Variants in BNC2 observed in about 807,000 individuals in gnomAD.
BNC2 encodes the protein basonuclin zinc finger protein 2.
In BNC2, 20 loss-of-function variants were observed where a neutral mutation model predicts 76.3. The observed-to-expected ratio is 0.26, with a 90% confidence interval of 0.18 to 0.38. The LOEUF (loss-of-function observed/expected upper bound fraction) is 0.38, where lower values mean the gene tolerates loss of function less well. BNC2 is among the 10% of genes least tolerant of loss of function. BNC2 has a pLI of 1.00. For missense variants in BNC2, 1,382 were observed against 1,399.8 expected (o/e 0.99, Z 0.20); for synonymous variants, 582 against 514.8 (o/e 1.13, Z -1.77).
Position 16,596,690 on chromosome 9 carries a change from G to A in BNC2, c.331-13605C>T, listed in dbSNP as rs572663847. Among the ~76,000 whole-genome samples, 71 of 152,178 alleles carry A rather than the reference G, an allele frequency of 4.7e-4. 1 individual carries two copies. The highest frequency in any genetic ancestry group is 1.4e-3 in the African/African-American group (60 of 41,546). ...AGAGTTGATTCCCTGGCTGGCCAAC[G>A]ATTATACAGCCAGCATTTTCAGATA... On this transcript the variant is annotated intron_variant, in intron 3 of 6. Transcript: ENST00000380672.
intron 1 of BNC2, among the ~76,000 whole-genome samples, chr9:16,748,827 A>G (rs1825088255): frequency 8.3e-6 from 1 of 121,078 alleles, no homozygotes; most frequent in South Asian, 3.1e-4. Flanking sequence ...TGGGCAACAG[A>G]GCGAAACCGT....
At chr9:16,757,354 A>T (rs2135345710) in intron 1 of BNC2, among the ~76,000 whole-genome samples, 1 of 152,344 alleles carries the variant, frequency 6.6e-6, no homozygotes. Context: ...TATCTGAAGA[A>T]TCAGAACTCC....
At chr9:16,682,519 T>A (rs1239245377) in intron 3 of BNC2, among the ~76,000 whole-genome samples, 1 of 152,082 alleles carries the variant, frequency 6.6e-6, no homozygotes, top group Non-Finnish European at 1.5e-5. Context: ...TGATCACGGT[T>A]AATTACAATG....
intron 5 of BNC2, among the ~76,000 whole-genome samples, chr9:16,476,646 G>A (rs193064601): frequency 1.3e-3 from 196 of 151,520 alleles, no homozygotes; most frequent in African/African-American, 4.2e-3. Flanking sequence ...CAGGGACCAC[G>A]GGTTTATCTA....
chr9:16,779,997 G>A lies in BNC2; in HGVS notation c.4-41512C>T, dbSNP rs183502887. On this transcript the variant is annotated intron_variant, in intron 1 of 6. Coordinates refer to ENST00000380672, the MANE Select transcript of BNC2 (RefSeq NM_017637.6). The stretch of plus-strand genomic sequence containing the variant: ...CACGCCTGTGATCCCAGCACTTTGG[G>A]AGGCCGAGGCGGGCGGATCACAAGG... Among the ~76,000 whole-genome samples, 909 of 152,226 alleles carry A rather than the reference G, an allele frequency of 6.0e-3. 7 individuals are homozygous for A. The highest frequency in any genetic ancestry group is 0.021 in the African/African-American group (857 of 41,554).
At chr9:16,424,079 G>A (rs187133137) in intron 6 of BNC2, among the ~76,000 whole-genome samples, 123 of 152,154 alleles carry the variant, frequency 8.1e-4, no homozygotes, top group Non-Finnish European at 1.6e-3. Context: ...TCCATCAAAC[G>A]TAGTCAAGTA....
intron 1 of BNC2, among the ~76,000 whole-genome samples, chr9:16,762,055 G>T (rs1333885546): frequency 1.3e-5 from 2 of 152,162 alleles, no homozygotes; most frequent in Admixed American, 1.3e-4. Flanking sequence ...AGAATGTTAA[G>T]ATAAAGGACA....
At position 16,461,307 on chromosome 9, in the gene BNC2, C is replaced by T. The variant is rs74710790; in HGVS notation, c.670-23783G>A. Among the ~76,000 whole-genome samples the T allele has an allele frequency of 4.7e-3, 717 of 152,182 alleles. 2 individuals carry two copies. Among genetic ancestry groups the T allele is most frequent in the Middle Eastern group, 0.02 (6 of 294 alleles). On this transcript the variant is annotated intron_variant, in intron 5 of 6. Transcript: ENST00000380672. The stretch of plus-strand genomic sequence containing the variant: ...AATGTGCACGTGTGGAGAAACCAGG[C>T]GCTTCCATGTTTTTAATTAAAGTAT...
chr9:16,804,919 G>C (rs562253693), intron 1 of BNC2, among the ~76,000 whole-genome samples: 41 of 152,062 alleles, frequency 2.7e-4, no homozygotes, highest in African/African-American at 9.2e-4. Flanking sequence ...AAAATTAGCC[G>C]GGTGTGGTGG....
chr9:16,429,962 C>T, intron 6 of BNC2: 2 of 516,126 alleles, frequency 3.9e-6, no homozygotes, highest in Non-Finnish European at 7.7e-6. Context: ...CCCCATGATA[C>T]AAGGAGACCG....
intron 1 of BNC2, among the ~76,000 whole-genome samples, chr9:16,857,986 G>A (rs927319037): frequency 2.6e-5 from 4 of 152,142 alleles, no homozygotes; most frequent in Admixed American, 6.5e-5. Flanking sequence ...AATTTGCCAG[G>A]TAAACTGTAA....
intron 3 of BNC2, among the ~76,000 whole-genome samples, chr9:16,685,224 G>A (rs1822940317): frequency 6.6e-6 from 1 of 152,184 alleles, no homozygotes; most frequent in African/African-American, 2.4e-5. Flanking sequence ...TCTTACAGAT[G>A]AGAAAACTAA....
intron 1 of BNC2, among the ~76,000 whole-genome samples, chr9:16,847,117 T>C (rs1391234797): frequency 6.6e-6 from 1 of 152,136 alleles, no homozygotes; most frequent in Non-Finnish European, 1.5e-5. Context: ...AATGTGAAGA[T>C]GTATGCTGCG....
rs780151493 is a variant in BNC2, at chr9:16,560,770, G to C, written c.434-8005C>G. Among the ~76,000 whole-genome samples, 9 of 152,174 alleles carry C rather than the reference G, an allele frequency of 5.9e-5. 1 individual carries two copies. In the East Asian group the frequency reaches 1.7e-3, roughly 29 times the overall value. ...AAGATAAAAATGATTTTTAGTTTTAGATGTAAAATTCTGATAAGAGTGCAG... is the reference window on the plus strand; with the variant it reads ...AAGATAAAAATGATTTTTAGTTTTACATGTAAAATTCTGATAAGAGTGCAG... On this transcript the variant is annotated intron_variant, in intron 4 of 6. Coordinates refer to ENST00000380672, the MANE Select transcript of BNC2 (RefSeq NM_017637.6).
At chr9:16,434,881 T>C (rs758710360) in intron 6 of BNC2, 2 of 461,370 alleles carry the variant, frequency 4.3e-6, no homozygotes, top group South Asian at 1.5e-5. Flanking sequence ...AAAGACATTA[T>C]GAAGTTAAGA....
At chr9:16,561,838 T>C (rs1298653511) in intron 4 of BNC2, among the ~76,000 whole-genome samples, 1 of 151,932 alleles carries the variant, frequency 6.6e-6, no homozygotes, top group Admixed American at 6.6e-5. Flanking sequence ...ACCCCATCTC[T>C]ACAAAAAATA....
At chr9:16,675,254 AT>A (rs112364703) in intron 3 of BNC2, among the ~76,000 whole-genome samples, 20,950 of 147,084 alleles carry the variant, frequency 0.14, 1,578 homozygotes, top group South Asian at 0.23. Context: ...AATTGAGTTA[AT>A]TTTTTTTTTT....
intron 5 of BNC2, among the ~76,000 whole-genome samples, chr9:16,459,144 T>C (rs1440087164): frequency 6.6e-6 from 1 of 152,214 alleles, no homozygotes; most frequent in African/African-American, 2.4e-5. Context: ...TATACATGCA[T>C]TTCCTCTCCC....
chr9:16,756,869 T>C (rs2135340216), intron 1 of BNC2, among the ~76,000 whole-genome samples: 1 of 152,088 alleles, frequency 6.6e-6, no homozygotes, highest in East Asian at 1.9e-4. Flanking sequence ...CAGGTGCCTG[T>C]AGTCCCAGCT....
Sources: gnomAD v4.1 joint callset for allele counts (sites outside exome capture counted in the v4.1 genomes callset) on GRCh38, gnomAD v4.1.1 for gene constraint, MANE v1.5 for transcripts, NCBI Gene and HGNC (gene_info 2026-07-23, HGNC 2026-07-21) for gene names.